DEPDC1B: variants seen among roughly 807,000 people sequenced by gnomAD.
DEPDC1B encodes the protein DEP domain-containing protein 1B.
A neutral mutation model predicts 66.5 loss-of-function variants in DEPDC1B; 51 were observed. The ratio of observed to expected loss-of-function variants is 0.77; its 90% CI spans 0.61 to 0.97. The LOEUF (loss-of-function observed/expected upper bound fraction) is 0.97. Ranked by LOEUF, DEPDC1B falls within the 50% of genes least tolerant of loss-of-function variation. The pLI is 0.00. For synonymous variants in DEPDC1B, 226 were observed against 223.6 expected, an observed-to-expected ratio of 1.01 and a Z score of -0.10; for missense variants, 552 against 637.1, an observed-to-expected ratio of 0.87 and a Z score of 1.44.
At chr5:60,672,849 C>T (rs1290926657) in intron 2 of DEPDC1B, among the ~76,000 whole-genome samples, 1 of 152,184 alleles carries the variant, frequency 6.6e-6, no homozygotes, top group East Asian at 1.9e-4. Context: ...ACTAAGCTCA[C>T]ATTATACTTA....
intron 2 of DEPDC1B, among the ~76,000 whole-genome samples, chr5:60,660,238 C>CA (rs1318944684): frequency 2.3e-5 from 3 of 131,036 alleles, no homozygotes; most frequent in African/African-American, 9.0e-5. Context: ...GAGAGACAGA[C>CA]AGAGAGGAGA....
chr5:60,681,590 C>A (rs11742421), intron 2 of DEPDC1B, among the ~76,000 whole-genome samples: 68,402 of 151,524 alleles, frequency 0.45, 15,940 homozygotes, highest in East Asian at 0.77. Context: ...GACATAAAAA[C>A]AATGAAAAGG....
intron 8 of DEPDC1B, among the ~76,000 whole-genome samples, chr5:60,604,848 TTA>T: frequency 6.6e-6 from 1 of 152,276 alleles, no homozygotes; most frequent in Middle Eastern, 3.4e-3. Flanking sequence ...AAAAGGTCTA[TTA>T]GCCTCTCTAA....
At chr5:60,636,907 C>T (rs983220348) in intron 7 of DEPDC1B, among the ~76,000 whole-genome samples, 4 of 151,800 alleles carry the variant, frequency 2.6e-5, no homozygotes, top group East Asian at 1.9e-4. Context: ...CAGCTGACTC[C>T]GATACTAATT....
chr5:60,666,057 C>G (rs909026634), intron 2 of DEPDC1B, among the ~76,000 whole-genome samples: 1 of 152,190 alleles, frequency 6.6e-6, no homozygotes, highest in Non-Finnish European at 1.5e-5. Context: ...TGTTACAGCT[C>G]GAGCTGAGCT....
intron 2 of DEPDC1B, among the ~76,000 whole-genome samples, chr5:60,661,646 C>T (rs1399922221): frequency 2.0e-5 from 3 of 152,162 alleles, no homozygotes; most frequent in Non-Finnish European, 4.4e-5. Context: ...TTTGATCTGA[C>T]ATGGAGAGAT....
At chr5:60,677,384 G>A (rs1195909776) in intron 2 of DEPDC1B, among the ~76,000 whole-genome samples, 6 of 134,340 alleles carry the variant, frequency 4.5e-5, no homozygotes, top group African/African-American at 9.0e-5. Context: ...ATAAAGTCAG[G>A]CAGATAAAGA....
At chr5:60,664,463 C>G (rs1052575135) in intron 2 of DEPDC1B, among the ~76,000 whole-genome samples, 1 of 152,206 alleles carries the variant, frequency 6.6e-6, no homozygotes, top group African/African-American at 2.4e-5. Flanking sequence ...GGCTCTATTA[C>G]TTGAAGGGCC....
At chr5:60,605,644 G>T (rs761399945) in intron 8 of DEPDC1B, 46 bp downstream of exon 8, 2 of 1,590,128 alleles carry the variant, frequency 1.3e-6, no homozygotes, top group South Asian at 1.2e-5. Flanking sequence ...TTACTCAGTC[G>T]ACTTTCATTC....
chr5:60,623,126 A>G (rs953217834), intron 7 of DEPDC1B, among the ~76,000 whole-genome samples: 1 of 152,158 alleles, frequency 6.6e-6, no homozygotes, highest in African/African-American at 2.4e-5. Flanking sequence ...TCTCTATTAT[A>G]TTTGAATCTG....
intron 6 of DEPDC1B, among the ~76,000 whole-genome samples, chr5:60,641,899 T>C (rs1753199988): frequency 6.6e-6 from 1 of 152,220 alleles, no homozygotes; most frequent in Non-Finnish European, 1.5e-5. Flanking sequence ...CAATGGTTAC[T>C]ATTCATATAC....
At chr5:60,642,642 C>A (rs1017670861) in intron 6 of DEPDC1B, among the ~76,000 whole-genome samples, 170 bp downstream of exon 6, 3 of 152,152 alleles carry the variant, frequency 2.0e-5, no homozygotes, top group Non-Finnish European at 4.4e-5. Context: ...AGAATTCAGT[C>A]CTTTCACTAA....
At chr5:60,607,711 G>C (rs1193367359) in intron 7 of DEPDC1B, among the ~76,000 whole-genome samples, 1 of 152,146 alleles carries the variant, frequency 6.6e-6, no homozygotes, top group African/African-American at 2.4e-5. Context: ...TTTCAGGAAG[G>C]CCCTCTCTAA....
intron 2 of DEPDC1B, among the ~76,000 whole-genome samples, chr5:60,658,904 C>T (rs920688646): frequency 1.3e-5 from 2 of 152,194 alleles, no homozygotes; most frequent in Admixed American, 6.5e-5. Context: ...TGTCGCAGAC[C>T]GGCCACTGAC....
chr5:60,602,721 A>G (rs1271068593), intron 9 of DEPDC1B, among the ~76,000 whole-genome samples: 1 of 152,222 alleles, frequency 6.6e-6, no homozygotes, highest in African/African-American at 2.4e-5. Context: ...TAGGAATTGT[A>G]AAGTACAGTG....
At chr5:60,691,830 T>A (rs1584107872) in intron 1 of DEPDC1B, among the ~76,000 whole-genome samples, 1 of 152,244 alleles carries the variant, frequency 6.6e-6, no homozygotes, top group East Asian at 1.9e-4. Flanking sequence ...CTGATCCCAC[T>A]TTTGGGTATT....
rs985980942 is a variant in DEPDC1B, at chr5:60,638,964, G to A, written c.758-74C>T. On this transcript the variant is annotated intron_variant, in intron 6 of 10. Coordinates refer to ENST00000265036, the MANE Select transcript of DEPDC1B (RefSeq NM_018369.3). Reference sequence around the variant, plus strand: ...TCTAAGTATTATTCTCTGTGAATATGTGTGGCGTGTACAGATATTCAGATA... The same window carrying A: ...TCTAAGTATTATTCTCTGTGAATATATGTGGCGTGTACAGATATTCAGATA... 4.0e-6 allele frequency: 6 copies of A among 1,512,900 alleles called. No individual in the cohort carries two copies. The African/African-American group carries it at 8.5e-5, about 21-fold the overall frequency. The allele number at this position is 1,512,900 out of a possible 1,614,324, so 93.7% of individuals were successfully genotyped here. A position where few individuals can be genotyped will look rare whatever the true frequency, so the allele number is the denominator to read the frequency against.
At chr5:60,648,025 G>T (rs1753361424) in intron 2 of DEPDC1B, 1 of 152,116 alleles carries the variant, frequency 6.6e-6, no homozygotes. Flanking sequence ...TTATATGAAG[G>T]TGAATCTGGA....
intron 1 of DEPDC1B, among the ~76,000 whole-genome samples, chr5:60,697,638 A>G (rs1380103473): frequency 1.3e-5 from 2 of 151,884 alleles, no homozygotes; most frequent in Non-Finnish European, 2.9e-5. Context: ...CAGCAGGAAT[A>G]CTCACTTTTG....
Sources: allele counts gnomAD v4.1 joint callset (sites outside exome capture counted in the v4.1 genomes callset), GRCh38; gene constraint gnomAD v4.1.1; transcripts MANE v1.5; gene names NCBI Gene and HGNC (gene_info 2026-07-23, HGNC 2026-07-21).